The following MEGF11 variants were observed in gnomAD, a reference collection of about 807,000 sequenced individuals.
MEGF11 encodes multiple EGF like domains 11, also known as multiple epidermal growth factor-like domains protein 11.
MEGF11 carries 126 observed loss-of-function variants against 146.6 expected under a neutral mutation model. That is an observed-to-expected ratio of 0.86 (90% CI 0.74 to 1.00). The LOEUF (loss-of-function observed/expected upper bound fraction) is 1.00. Among genes scored for constraint, MEGF11 ranks in the 50% least tolerant of loss-of-function variants. The pLI is 0.00. For missense variants in MEGF11, 1,509 were observed against 1,521.2 expected, an observed-to-expected ratio of 0.99 and a Z score of 0.13; for synonymous variants, 532 against 583.4, an observed-to-expected ratio of 0.91 and a Z score of 1.27.
At chr15:66,079,173 G>GC (rs1338407100) in intron 5 of MEGF11, among the ~76,000 whole-genome samples, 1 of 152,136 alleles carries the variant, frequency 6.6e-6, no homozygotes, top group Non-Finnish European at 1.5e-5. Context: ...ACCGCCTCCT[G>GC]CCCCATGGCC....
intron 4 of MEGF11, among the ~76,000 whole-genome samples, chr15:66,109,795 C>A (rs983318054): frequency 6.6e-6 from 1 of 152,198 alleles, no homozygotes; most frequent in Non-Finnish European, 1.5e-5. Context: ...CTAGATAAAG[C>A]TAGTTGCCTC....
chr15:65,935,526 T>G (rs2079750580), intron 10 of MEGF11, among the ~76,000 whole-genome samples: 1 of 152,106 alleles, frequency 6.6e-6, no homozygotes, highest in African/African-American at 2.4e-5. Flanking sequence ...ATTGATTGAT[T>G]GCTTGCTGCT....
intron 5 of MEGF11, among the ~76,000 whole-genome samples, chr15:66,003,000 T>C (rs201570258): frequency 6.8e-6 from 1 of 146,952 alleles, no homozygotes; most frequent in African/African-American, 2.5e-5. Flanking sequence ...TTTTTTCTTT[T>C]TTTTTTTTGA....
chr15:65,990,496 G>A (rs1019354701), intron 5 of MEGF11, among the ~76,000 whole-genome samples: 1 of 151,920 alleles, frequency 6.6e-6, no homozygotes, highest in Non-Finnish European at 1.5e-5. Flanking sequence ...GCTGCAGTGA[G>A]CTGTGATGGC....
chr15:65,992,935 G>A (rs375061557), intron 5 of MEGF11, among the ~76,000 whole-genome samples: 53 of 152,148 alleles, frequency 3.5e-4, no homozygotes, highest in African/African-American at 1.2e-3. Flanking sequence ...AGGAGGCACC[G>A]CAGAGCTGGA....
At chr15:66,010,506 T>A (rs2140109757) in intron 5 of MEGF11, among the ~76,000 whole-genome samples, 1 of 152,200 alleles carries the variant, frequency 6.6e-6, no homozygotes, top group East Asian at 1.9e-4. Flanking sequence ...TCTCATAATG[T>A]TTTAAGAAGG....
intron 5 of MEGF11, among the ~76,000 whole-genome samples, chr15:65,984,507 TA>T (rs1418361980): frequency 1.8e-5 from 2 of 109,506 alleles, no homozygotes; most frequent in African/African-American, 7.3e-5. Context: ...GCCTGGGCGA[TA>T]GAGCAAGACT....
In MEGF11 at chr15:66,149,044, G is replaced by A. The variant is rs1405006284; in HGVS notation, c.-8-20633C>T. ...GGGCAGACACCCAGGACGGGATGGA[G>A]TCAAGGGTCTGCGCCCGGCAGGAGC... On this transcript the variant is annotated intron_variant, in intron 1 of 25. Coordinates refer to ENST00000395614, the MANE Select transcript of MEGF11 (RefSeq NM_001385028.1). Among the ~76,000 whole-genome samples, 4 of 152,250 alleles carry A rather than the reference G, an allele frequency of 2.6e-5. No individual in the cohort carries two copies. In the East Asian group the frequency reaches 7.7e-4, roughly 29 times the overall value.
At chr15:66,104,428 C>G (rs538064549) in intron 4 of MEGF11, among the ~76,000 whole-genome samples, 1 of 152,244 alleles carries the variant, frequency 6.6e-6, no homozygotes, top group African/African-American at 2.4e-5. Context: ...AAACTATGTA[C>G]GTACACCATC....
chr15:66,225,813 C>T lies in MEGF11; in HGVS notation c.-9+27792G>A, dbSNP rs116516773. On this transcript the variant is annotated intron_variant, in intron 1 of 25. Transcript: ENST00000395614. ...AAGCACACACTCGCATAAGATCACA[C>T]ACTGAGGCATGCACACAGCACGTAA... is the stretch of plus-strand genomic sequence containing the variant. 4.2e-3 allele frequency among the ~76,000 whole-genome samples: 647 copies of T among 152,280 alleles called. 9 individuals are homozygous for T. Among genetic ancestry groups the T allele is most frequent in the African/African-American group, 0.015 (619 of 41,534 alleles).
chr15:65,929,571 G>A (rs1032156629), intron 12 of MEGF11, 149 bp downstream of exon 12: 11 of 930,960 alleles, frequency 1.2e-5, no homozygotes, highest in Non-Finnish European at 1.7e-5. Flanking sequence ...GCCACAGAGA[G>A]GTTAGGACTA....
intron 1 of MEGF11, among the ~76,000 whole-genome samples, chr15:66,201,815 T>C (rs1227606198): frequency 2.0e-5 from 3 of 148,030 alleles, no homozygotes; most frequent in Admixed American, 6.7e-5. Context: ...GGCATGTTGG[T>C]GCGAGCCTGT....
intron 5 of MEGF11, among the ~76,000 whole-genome samples, chr15:66,023,933 T>C (rs1230097017): frequency 1.3e-5 from 2 of 151,896 alleles, no homozygotes; most frequent in Admixed American, 6.6e-5. Flanking sequence ...GAGGGGAGCA[T>C]ACAGGGTTGC....
intron 13 of MEGF11, among the ~76,000 whole-genome samples, chr15:65,924,395 C>CCT (rs1328425482): frequency 1.3e-5 from 2 of 149,488 alleles, no homozygotes; most frequent in Non-Finnish European, 3.0e-5. Context: ...CAAGTGGTTT[C>CCT]CTCCCCAGGG....
At chr15:66,142,054 C>A (rs932754365) in intron 1 of MEGF11, among the ~76,000 whole-genome samples, 1 of 152,110 alleles carries the variant, frequency 6.6e-6, no homozygotes, top group Non-Finnish European at 1.5e-5. Context: ...GATCCCCCTG[C>A]GCCTCCCCTA....
chr15:66,171,784 G>T (rs1001762653), intron 1 of MEGF11, among the ~76,000 whole-genome samples: 1 of 126,086 alleles, frequency 7.9e-6, no homozygotes, highest in Non-Finnish European at 1.7e-5. Flanking sequence ...CACCCCCAGC[G>T]CTCACCCTCT....
intron 1 of MEGF11, among the ~76,000 whole-genome samples, chr15:66,217,565 G>A (rs1254279851): frequency 2.0e-5 from 3 of 152,234 alleles, no homozygotes; most frequent in African/African-American, 7.2e-5. Flanking sequence ...GCAAATATGT[G>A]TTCACATCTT....
intron 24 of MEGF11, among the ~76,000 whole-genome samples, chr15:65,900,598 A>G (rs531451413): frequency 6.6e-6 from 1 of 152,280 alleles, no homozygotes; most frequent in South Asian, 2.1e-4. Context: ...TCTGTGGTAT[A>G]GGTAGAGCAA....
intron 8 of MEGF11, among the ~76,000 whole-genome samples, chr15:65,967,789 C>A (rs1235212192): frequency 7.9e-5 from 12 of 152,250 alleles, no homozygotes; most frequent in Admixed American, 7.2e-4. Flanking sequence ...CACTAGCTCT[C>A]CCCTCTCAGA....
Sources: allele counts gnomAD v4.1 joint callset (sites outside exome capture counted in the v4.1 genomes callset), GRCh38; gene constraint gnomAD v4.1.1; transcripts MANE v1.5; gene names NCBI Gene and HGNC (gene_info 2026-07-23, HGNC 2026-07-21).